The following NALF1 variants were observed in gnomAD, a reference collection of about 807,000 sequenced individuals.
The protein encoded by NALF1 is NALCN channel auxiliary factor 1.
In NALF1, 3 loss-of-function variants were observed where a neutral mutation model predicts 48.4. That is an observed-to-expected ratio of 0.06 (90% CI 0.03 to 0.16). The LOEUF (loss-of-function observed/expected upper bound fraction) is 0.16, where lower values mean the gene tolerates loss of function less well. Among genes scored for constraint, NALF1 ranks in the 10% least tolerant of loss-of-function variants. NALF1 has a pLI of 1.00. For synonymous variants in NALF1, 262 were observed against 245.7 expected, an observed-to-expected ratio of 1.07 and a Z score of -0.62; for missense variants, 526 against 571.5, an observed-to-expected ratio of 0.92 and a Z score of 0.81.
chr13:107,291,464 C>T (rs1881618618), intron 1 of NALF1, among the ~76,000 whole-genome samples: 1 of 143,806 alleles, frequency 7.0e-6, no homozygotes, highest in Admixed American at 7.2e-5. Context: ...AGTAAAATTA[C>T]TTTCAAGCTA....
At chr13:107,332,805 A>C (rs58642043) in intron 1 of NALF1, among the ~76,000 whole-genome samples, 1 of 151,384 alleles carries the variant, frequency 6.6e-6, no homozygotes, top group East Asian at 2.0e-4. Flanking sequence ...ATCTCCCCCA[A>C]CCCATCAGTA....
At chr13:107,478,470 G>A (rs1369573585) in intron 1 of NALF1, among the ~76,000 whole-genome samples, 2 of 151,930 alleles carry the variant, frequency 1.3e-5, no homozygotes, top group Non-Finnish European at 2.9e-5. Flanking sequence ...AAGAAAAAAA[G>A]TCAGTGTTGA....
chr13:107,233,453 T>C (rs9514634), intron 1 of NALF1, among the ~76,000 whole-genome samples: 121,906 of 152,100 alleles, frequency 0.8, 49,254 homozygotes, highest in Non-Finnish European at 0.85. Flanking sequence ...TAGTAGAATG[T>C]ATGAAGGTAT....
intron 2 of NALF1, among the ~76,000 whole-genome samples, chr13:107,207,675 G>A (rs939945366): frequency 6.6e-6 from 1 of 152,144 alleles, no homozygotes; most frequent in African/African-American, 2.4e-5. Flanking sequence ...TTGAGACAGG[G>A]TCTCGCTATG....
intron 2 of NALF1, among the ~76,000 whole-genome samples, chr13:107,186,675 A>G (rs954371731): frequency 1.3e-5 from 2 of 152,052 alleles, no homozygotes; most frequent in African/African-American, 4.8e-5. Flanking sequence ...CCATTTGCAT[A>G]TTTTCTAGGC....
At position 107,631,634 on chromosome 13, in the gene NALF1, C is replaced by T. The variant is rs552562601; in HGVS notation, c.915+234048G>A. 5.3e-5 allele frequency among the ~76,000 whole-genome samples: 8 copies of T among 152,184 alleles called. No individual in the cohort carries two copies. The East Asian group carries it at 1.6e-3, about 30-fold the overall frequency. On this transcript the variant is annotated intron_variant, in intron 1 of 2. Coordinates refer to ENST00000375915, the MANE Select transcript of NALF1 (RefSeq NM_001080396.3). ...CAACCAGGATGCACAGCAGGACTCG[C>T]TCCTGAAAATCACTTGGCTGGCCAA...
intron 1 of NALF1, among the ~76,000 whole-genome samples, chr13:107,662,775 T>A (rs1041214434): frequency 6.6e-6 from 1 of 152,298 alleles, no homozygotes; most frequent in African/African-American, 2.4e-5. Flanking sequence ...GAAGAGATAA[T>A]GATACCATTA....
At chr13:107,703,778 T>C (rs1256885043) in intron 1 of NALF1, among the ~76,000 whole-genome samples, 1 of 152,180 alleles carries the variant, frequency 6.6e-6, no homozygotes, top group Admixed American at 6.5e-5. Flanking sequence ...ACCTGCAGCA[T>C]AGGGAAACTC....
At chr13:107,744,637 G>GAATTATAT (rs1283490541) in intron 1 of NALF1, among the ~76,000 whole-genome samples, 2 of 152,106 alleles carry the variant, frequency 1.3e-5, no homozygotes, top group African/African-American at 4.8e-5. Context: ...AAACAACCTT[G>GAATTATAT]AATTATATAA....
chr13:107,657,471 T>G (rs1343517709), intron 1 of NALF1, among the ~76,000 whole-genome samples: 1 of 152,174 alleles, frequency 6.6e-6, no homozygotes, highest in Non-Finnish European at 1.5e-5. Context: ...TGTGGATGCA[T>G]TCATACATGT....
At chr13:107,458,257 T>G (rs1184199417) in intron 1 of NALF1, among the ~76,000 whole-genome samples, 1 of 152,086 alleles carries the variant, frequency 6.6e-6, no homozygotes, top group East Asian at 1.9e-4. Flanking sequence ...TAAGAAACAT[T>G]TTAGAGCCGC....
chr13:107,367,616 C>G (rs1322264056), intron 1 of NALF1, among the ~76,000 whole-genome samples: 1 of 152,184 alleles, frequency 6.6e-6, no homozygotes, highest in Non-Finnish European at 1.5e-5. Context: ...GCCTCGTGGG[C>G]CTCTAAGCAG....
intron 1 of NALF1, among the ~76,000 whole-genome samples, chr13:107,329,582 T>C (rs1256192473): frequency 6.6e-6 from 1 of 151,926 alleles, no homozygotes; most frequent in African/African-American, 2.4e-5. Context: ...ACATGTGCCA[T>C]GTTGGTGTGC....
intron 1 of NALF1, among the ~76,000 whole-genome samples, chr13:107,558,099 A>C (rs1877533707): frequency 1.4e-5 from 2 of 142,790 alleles, no homozygotes; most frequent in Non-Finnish European, 3.1e-5. Flanking sequence ...AATGATTCTG[A>C]GATTTTTCCC....
chr13:107,265,792 T>C (rs1013000992), intron 1 of NALF1, among the ~76,000 whole-genome samples: 1 of 152,188 alleles, frequency 6.6e-6, no homozygotes, highest in East Asian at 1.9e-4. Context: ...ATTTTACCCA[T>C]GTAATTAATA....
chr13:107,689,469 T>C (rs1232083306), intron 1 of NALF1, among the ~76,000 whole-genome samples: 1 of 152,212 alleles, frequency 6.6e-6, no homozygotes, highest in Non-Finnish European at 1.5e-5. Flanking sequence ...TAAAACAGTT[T>C]TGGTAATAAA....
At chr13:107,638,916 C>T (rs1381276149) in intron 1 of NALF1, among the ~76,000 whole-genome samples, 2 of 152,174 alleles carry the variant, frequency 1.3e-5, no homozygotes, top group Middle Eastern at 3.4e-3. Flanking sequence ...GGCCAGATCT[C>T]GCAAAGATGG....
chr13:107,178,895 C>G (rs184800768), intron 2 of NALF1, among the ~76,000 whole-genome samples: 1 of 151,360 alleles, frequency 6.6e-6, no homozygotes, highest in South Asian at 2.1e-4. Flanking sequence ...CAGTGAGCCG[C>G]GATCCCGCCA....
chr13:107,827,068 T>C (rs1239955864), intron 1 of NALF1, among the ~76,000 whole-genome samples: 2 of 152,226 alleles, frequency 1.3e-5, no homozygotes, highest in African/African-American at 4.8e-5. Context: ...GCACCTACTA[T>C]GTTTAGGTTT....
Sources: gnomAD v4.1 joint callset for allele counts (sites outside exome capture counted in the v4.1 genomes callset) on GRCh38, gnomAD v4.1.1 for gene constraint, MANE v1.5 for transcripts, NCBI Gene and HGNC (gene_info 2026-07-23, HGNC 2026-07-21) for gene names.